Variants in TMEM18 observed in about 807,000 individuals in gnomAD.
TMEM18 encodes transmembrane protein 18.
Under a neutral mutation model 17.4 loss-of-function variants are expected in TMEM18, and 14 were observed. That is an observed-to-expected ratio of 0.80 (90% CI 0.53 to 1.25). TMEM18 has a LOEUF of 1.25. Among genes scored for constraint, TMEM18 ranks in the 50% most tolerant of loss-of-function variants. TMEM18 has a pLI of 0.00. For synonymous variants in TMEM18, 86 were observed against 66.1 expected (o/e 1.30, Z -1.46); for missense variants, 187 against 172.1 (o/e 1.09, Z -0.48).
chr2:667,140 T>C lies in TMEM18; in HGVS notation c.*2440A>G, dbSNP rs1447740212. ...ATATTGCTTTCTGATTTGATATACA[T>C]TATCTGTGCAAGTAGACTTTCTTCT... On this transcript the variant is annotated 3_prime_UTR_variant, in exon 5 of 5. Transcript: ENST00000281017. Among the ~76,000 whole-genome samples the C allele has an allele frequency of 6.6e-6, 1 of 152,072 alleles. No individual in the cohort carries two copies. The highest frequency in any genetic ancestry group is 1.5e-5 in the Non-Finnish European group (1 of 68,030).
rs529052040 is a variant in TMEM18 at position 672,025 on chromosome 2, A to T, written c.233+783T>A. ...GGCCGAGTCAGGGGAGGGTTCGGGA[A>T]ACCAGGCGGGGTCTAAGCAAAGGAT... On this transcript the variant is annotated intron_variant, in intron 3 of 4. Transcript: ENST00000281017. Among the ~76,000 whole-genome samples, 26 of 152,172 alleles carry T rather than the reference A, an allele frequency of 1.7e-4. 1 individual carries two copies. The highest frequency in any genetic ancestry group is 5.5e-4 in the African/African-American group (23 of 41,524).
chr2:676,619 C>T, intron 1 of TMEM18: 1 of 1,550,440 alleles, frequency 6.4e-7, no homozygotes, highest in Non-Finnish European at 8.7e-7. Context: ...GCTTTCTGCC[C>T]AGACCCCATC....
intron 1 of TMEM18, chr2:676,660 T>G: frequency 6.5e-7 from 1 of 1,548,126 alleles, no homozygotes; most frequent in Non-Finnish European, 8.7e-7. Flanking sequence ...GGCGGCCACG[T>G]GGGGCGTGGG....
At chr2:671,131 G>A (rs1678835899) in intron 3 of TMEM18, among the ~76,000 whole-genome samples, 1 of 152,184 alleles carries the variant, frequency 6.6e-6, no homozygotes. Flanking sequence ...TGAGATGTTT[G>A]TTAGACGTCC....
Position 669,790 on chromosome 2 carries a change from T to G in TMEM18, c.294A>C (p.Ser98=). The G allele has an allele frequency of 6.2e-7, 1 of 1,613,998 alleles. No homozygotes were observed. The highest frequency in any genetic ancestry group is 8.5e-7 in the Non-Finnish European group (1 of 1,180,000). Residue 98 remains serine, a synonymous_variant, in exon 4 of 5, where the codon TCA becomes TCC. Transcript: ENST00000281017. The part of the protein sequence containing the change: ...SRGMFISIVF[S]APLLVNAMII... ...TCATGGCATTCACCAGCAGTGGGGCTGAAAATACTATAGAAATGAACATCC... is the reference window on the plus strand; with the variant it reads ...TCATGGCATTCACCAGCAGTGGGGCGGAAAATACTATAGAAATGAACATCC...
rs201556681 is a variant in TMEM18, at chr2:677,259, G to A, written c.57+30C>T. ...CTACGCCTCTCCGCCGTCCTCCCCC[G>A]AACTGGTGGTTACGCGGGCCGCGAG... On this transcript the variant is annotated intron_variant, in intron 1 of 4. Coordinates refer to ENST00000281017, the MANE Select transcript of TMEM18 (RefSeq NM_152834.4). The A allele has an allele frequency of 3.7e-6, 6 of 1,603,262 alleles. No homozygotes were observed. In the East Asian group the frequency reaches 1.3e-4, roughly 36 times the overall value.
At chr2:670,006 C>CACTGT in intron 3 of TMEM18, 156 bp from the exon 4 acceptor site, 1 of 620,138 alleles carries the variant, frequency 1.6e-6, no homozygotes, top group Non-Finnish European at 2.8e-6. Flanking sequence ...CGGTAATCTC[C>CACTGT]ACTGTACTGT....
chr2:675,668 A>C (rs1369957865), intron 1 of TMEM18, 38 bp from the exon 2 acceptor site: 1 of 1,610,020 alleles, frequency 6.2e-7, no homozygotes, highest in East Asian at 2.2e-5. Flanking sequence ...CTGTCCTGCC[A>C]CTCAAGGCCG....
At position 668,231 on chromosome 2, in the gene TMEM18, GGATT is replaced by G. The variant is rs1678745266; in HGVS notation, c.*1345_*1348del. ...ATCAGGTCCCTCCCTTGACACATGG[GGATT>G]ACAATTTGAGATGCAATTTGGGTGG... On this transcript the variant is annotated 3_prime_UTR_variant, in exon 5 of 5. Transcript: ENST00000281017. The G allele has an allele frequency of 2.0e-5, 3 of 152,168 alleles. No homozygotes were observed. Among genetic ancestry groups the G allele is most frequent in the African/African-American group, 7.2e-5 (3 of 41,434 alleles). 9.4% of individuals were successfully genotyped at this position (152,168 alleles called of 1,614,324 possible).
chr2:675,539 C>T lies in TMEM18; in HGVS notation c.149G>A (p.Arg50Lys). Residue 50 changes from arginine to lysine, a missense_variant, in exon 2 of 5, where the codon AGA (arginine) becomes AAA (lysine). Arg to Lys is a conservative substitution (Grantham distance 26, BLOSUM62 2). Transcript: ENST00000281017. ...ACACAGAAAGTGCCCGATCTGTAGT[C>T]TGTAGCTTCGGGAGGACAAGCAGGT... ...LLTCLSSRSY[R>K]LQIGHFLCLV... is the part of the protein sequence containing the mutation. The T allele has an allele frequency of 1.2e-6, 2 of 1,614,256 alleles. No individual in the cohort carries two copies. Among genetic ancestry groups the T allele is most frequent in the African/African-American group, 1.3e-5 (1 of 75,080 alleles).
At chr2:675,485 G>A in intron 2 of TMEM18, 25 bp downstream of exon 2, 1 of 1,614,154 alleles carries the variant, frequency 6.2e-7, no homozygotes, top group Non-Finnish European at 8.5e-7. Context: ...GATCTGAGTT[G>A]TGGAGTTTGT....
chr2:669,787 G>T lies in TMEM18; in HGVS notation c.297C>A (p.Ala99=). ...RGMFISIVFS[A]PLLVNAMIIV... ...TGATCATGGCATTCACCAGCAGTGG[G>T]GCTGAAAATACTATAGAAATGAACA... is the stretch of plus-strand genomic sequence containing the variant. Residue 99 remains alanine (A), a synonymous_variant, in exon 4 of 5, where the codon GCC becomes GCA. Transcript: ENST00000281017. 6.2e-7 allele frequency: 1 copy of T among 1,613,960 alleles called. No homozygotes were observed. The highest frequency in any genetic ancestry group is 8.5e-7 in the Non-Finnish European group (1 of 1,179,994).
chr2:676,797 C>T, intron 1 of TMEM18: 1 of 722,644 alleles, frequency 1.4e-6, no homozygotes, highest in South Asian at 1.8e-5. Context: ...CCAGAATCCG[C>T]CCACATGGCC....
At chr2:671,199 GA>G (rs1373158361) in intron 3 of TMEM18, among the ~76,000 whole-genome samples, 8 of 152,170 alleles carry the variant, frequency 5.3e-5, no homozygotes, top group Non-Finnish European at 1.2e-4. Context: ...GAAACCAGGA[GA>G]TCTCGGAGAA....
intron 1 of TMEM18, chr2:676,380 CAA>C: frequency 7.2e-7 from 1 of 1,383,216 alleles, no homozygotes; most frequent in African/African-American, 1.4e-5. Context: ...CTGCAGAAGA[CAA>C]GCCCTGCCCT....
chr2:669,932 T>C (rs1678797212), intron 3 of TMEM18, 82 bp from the exon 4 acceptor site: 1 of 1,121,178 alleles, frequency 8.9e-7, no homozygotes, highest in African/African-American at 1.6e-5. Context: ...GATAAGACTT[T>C]GGAGAGAGCT....
intron 3 of TMEM18, 89 bp downstream of exon 3, chr2:672,719 C>A: frequency 8.1e-7 from 1 of 1,233,506 alleles, no homozygotes; most frequent in Non-Finnish European, 1.1e-6. Context: ...TTAGGATTCA[C>A]TGTCTCCTCC....
rs962977531 is a variant in TMEM18, at chr2:664,075, G to A, written c.*5505C>T. Among the ~76,000 whole-genome samples the A allele has an allele frequency of 2.6e-5, 4 of 152,182 alleles. No homozygotes were observed. Among genetic ancestry groups the A allele is most frequent in the Non-Finnish European group, 4.4e-5 (3 of 68,034 alleles). On this transcript the variant is annotated 3_prime_UTR_variant, in exon 5 of 5. Coordinates refer to ENST00000281017, the MANE Select transcript of TMEM18 (RefSeq NM_152834.4). The stretch of plus-strand genomic sequence containing the variant: ...AGAGAAGGAAGCAATGATGCTGCCT[G>A]GGTATTTCACAGGCATTTGTATAAT...
chr2:669,355 G>A lies in TMEM18; in HGVS notation c.*225C>T. On this transcript the variant is annotated 3_prime_UTR_variant, in exon 5 of 5. Coordinates refer to ENST00000281017, the MANE Select transcript of TMEM18 (RefSeq NM_152834.4). ...TCTGCAGAGACCGTTCCCACAGCCT[G>A]ACTACAAAGATCAGGCACCTGAAGA... 3 of 569,766 alleles carry A rather than the reference G, an allele frequency of 5.3e-6. No homozygotes were observed. The highest frequency in any genetic ancestry group is 9.3e-6 in the Non-Finnish European group (3 of 321,084). 35.3% of individuals were successfully genotyped at this position (569,766 alleles called of 1,614,324 possible).
Sources: allele counts gnomAD v4.1 joint callset (sites outside exome capture counted in the v4.1 genomes callset), GRCh38; gene constraint gnomAD v4.1.1; transcripts MANE v1.5; gene names NCBI Gene and HGNC (gene_info 2026-07-23, HGNC 2026-07-21).